The following CSMD1 variants were observed in gnomAD, a reference collection of about 807,000 sequenced individuals.
CSMD1 encodes the protein CUB and sushi domain-containing protein 1.
Under a neutral mutation model 417.5 loss-of-function variants are expected in CSMD1, and 213 were observed. The observed-to-expected ratio is 0.51, with a 90% CI of 0.46 to 0.57. The LOEUF (loss-of-function observed/expected upper bound fraction) is 0.57. Ranked by LOEUF, CSMD1 falls within the 20% of genes least tolerant of loss-of-function variation. CSMD1 has a pLI of 0.00. For missense variants in CSMD1, 6,923 were observed against 4,529.7 expected (o/e 1.53, Z -15.17); for synonymous variants, 2,862 against 1,736.8 (o/e 1.65, Z -16.11).
intron 3 of CSMD1, among the ~76,000 whole-genome samples, chr8:4,047,860 G>T (rs1021699265): frequency 1.6e-4 from 24 of 151,984 alleles, no homozygotes; most frequent in African/African-American, 5.8e-4. Flanking sequence ...TAGAGGATCA[G>T]ATCTAATAAT....
chr8:3,623,137 TAGAC>T (rs1277516227), intron 7 of CSMD1, among the ~76,000 whole-genome samples: 21 of 152,340 alleles, frequency 1.4e-4, no homozygotes, highest in African/African-American at 4.1e-4. Flanking sequence ...AGATATAAAT[TAGAC>T]AGTTTGTAAA....
chr8:4,970,830 C>T (rs1585432817), intron 1 of CSMD1, among the ~76,000 whole-genome samples: 1 of 152,050 alleles, frequency 6.6e-6, no homozygotes, highest in East Asian at 1.9e-4. Context: ...CTCTAGTCAT[C>T]AAAATCAAAG....
intron 1 of CSMD1, among the ~76,000 whole-genome samples, chr8:4,757,621 G>A (rs1053039769): frequency 6.6e-5 from 10 of 152,116 alleles, no homozygotes; most frequent in Non-Finnish European, 1.3e-4. Flanking sequence ...TGGATTATGT[G>A]CTCTCTTCAG....
chr8:4,629,633 T>A (rs1771987075), intron 2 of CSMD1, among the ~76,000 whole-genome samples: 1 of 152,230 alleles, frequency 6.6e-6, no homozygotes, highest in African/African-American at 2.4e-5. Context: ...ATTTCTAAAT[T>A]ACGTGTCCTG....
At chr8:4,832,281 G>A (rs897786754) in intron 1 of CSMD1, among the ~76,000 whole-genome samples, 2 of 152,138 alleles carry the variant, frequency 1.3e-5, no homozygotes, top group African/African-American at 2.4e-5. Context: ...AGTTCTTCCT[G>A]AGATGTTCAG....
At chr8:4,948,097 C>T (rs1007341284) in intron 1 of CSMD1, among the ~76,000 whole-genome samples, 4 of 151,792 alleles carry the variant, frequency 2.6e-5, no homozygotes, top group African/African-American at 7.3e-5. Context: ...TTTTTAAGTG[C>T]CAATTATTTT....
chr8:4,789,383 T>C (rs149605689), intron 1 of CSMD1, among the ~76,000 whole-genome samples: 184 of 152,318 alleles, frequency 1.2e-3, no homozygotes, highest in African/African-American at 4.3e-3. Context: ...GCTCTCTGGC[T>C]CTGGGTGATT....
intron 3 of CSMD1, among the ~76,000 whole-genome samples, chr8:4,067,319 G>C (rs889898085): frequency 1.3e-5 from 2 of 152,182 alleles, no homozygotes; most frequent in African/African-American, 4.8e-5. Flanking sequence ...TTTTCGTTAA[G>C]TAACGTTTTC....
intron 3 of CSMD1, among the ~76,000 whole-genome samples, chr8:4,360,122 C>G (rs572045937): frequency 6.6e-6 from 1 of 152,122 alleles, no homozygotes; most frequent in Non-Finnish European, 1.5e-5. Context: ...TTCCTCTCTG[C>G]AGGTTTGGCT....
chr8:4,370,072 G>C lies in CSMD1; in HGVS notation c.415+49881C>G, dbSNP rs143943957. On this transcript the variant is annotated intron_variant, in intron 3 of 69. Coordinates refer to ENST00000635120, the MANE Select transcript of CSMD1 (RefSeq NM_033225.6). ...AGGTATGTGCTTCAGTGTGTTTTTC[G>C]GTGGTAGTCATTCTTTCATTTCCAT... Among the ~76,000 whole-genome samples the C allele has an allele frequency of 3.3e-3, 495 of 152,090 alleles. 10 individuals are homozygous for C. The highest frequency in any genetic ancestry group is 0.022 in the East Asian group (115 of 5,174).
intron 1 of CSMD1, among the ~76,000 whole-genome samples, chr8:4,955,514 G>C (rs1809039551): frequency 6.6e-6 from 1 of 151,736 alleles, no homozygotes; most frequent in Admixed American, 6.6e-5. Flanking sequence ...GGAGTGCAGT[G>C]GCATGATCTC....
At chr8:3,480,662 G>C (rs906858851) in intron 11 of CSMD1, among the ~76,000 whole-genome samples, 1 of 151,804 alleles carries the variant, frequency 6.6e-6, no homozygotes, top group Non-Finnish European at 1.5e-5. Flanking sequence ...AAAAACTAAA[G>C]ACAGAAAAAA....
At chr8:3,655,665 T>A (rs1430508699) in intron 7 of CSMD1, among the ~76,000 whole-genome samples, 1 of 150,852 alleles carries the variant, frequency 6.6e-6, no homozygotes. Flanking sequence ...TTGCGTTTTT[T>A]TTTTTTTTTT....
chr8:3,233,707 T>C (rs1193264370), intron 26 of CSMD1, among the ~76,000 whole-genome samples: 1 of 152,214 alleles, frequency 6.6e-6, no homozygotes, highest in African/African-American at 2.4e-5. Context: ...CAATTTCTCA[T>C]GTAAACTAAG....
intron 3 of CSMD1, among the ~76,000 whole-genome samples, chr8:4,256,518 G>C (rs557796746): frequency 2.2e-4 from 34 of 152,272 alleles, no homozygotes; most frequent in African/African-American, 7.7e-4. Context: ...GAAATAAACA[G>C]TTATAAACAT....
intron 3 of CSMD1, among the ~76,000 whole-genome samples, chr8:4,051,427 G>C (rs555141662): frequency 6.6e-6 from 1 of 152,148 alleles, no homozygotes; most frequent in African/African-American, 2.4e-5. Flanking sequence ...CAGACCGCAA[G>C]GTTGAAAACG....
chr8:3,596,076 T>A, intron 8 of CSMD1, among the ~76,000 whole-genome samples: 1 of 152,324 alleles, frequency 6.6e-6, no homozygotes, highest in East Asian at 1.9e-4. Context: ...CAGAGGAGAC[T>A]CTTCGAACTC....
At chr8:3,888,273 C>G (rs1483819563) in intron 5 of CSMD1, among the ~76,000 whole-genome samples, 1 of 151,674 alleles carries the variant, frequency 6.6e-6, no homozygotes, top group East Asian at 1.9e-4. Flanking sequence ...ACCCAAATGC[C>G]AAACCCTTGT....
At chr8:3,905,519 G>A (rs117899990) in intron 5 of CSMD1, among the ~76,000 whole-genome samples, 3 of 152,198 alleles carry the variant, frequency 2.0e-5, no homozygotes, top group African/African-American at 4.8e-5. Context: ...GCTACCCAGC[G>A]TTTCTCAACA....
Sources: allele counts gnomAD v4.1 joint callset (sites outside exome capture counted in the v4.1 genomes callset), GRCh38; gene constraint gnomAD v4.1.1; transcripts MANE v1.5; gene names NCBI Gene and HGNC (gene_info 2026-07-23, HGNC 2026-07-21).